ANO4: variants seen among roughly 807,000 people sequenced by gnomAD.
The protein encoded by ANO4 is anoctamin 4.
In ANO4, 69 loss-of-function variants were observed where a neutral mutation model predicts 141.9. That is an observed-to-expected ratio of 0.49 (90% CI 0.40 to 0.59). ANO4 has a LOEUF of 0.59. Ranked by LOEUF, ANO4 falls within the 20% of genes least tolerant of loss-of-function variation. The pLI is 0.00. For synonymous variants in ANO4, 350 were observed against 394.3 expected (o/e 0.89, Z 1.33); for missense variants, 894 against 1,162.2 (o/e 0.77, Z 3.36).
At chr12:101,025,328 G>C (rs2046689217) in intron 9 of ANO4, among the ~76,000 whole-genome samples, 1 of 152,210 alleles carries the variant, frequency 6.6e-6, no homozygotes, top group African/African-American at 2.4e-5. Flanking sequence ...ACAGCACCAT[G>C]AAAAGTGAGA....
At chr12:101,114,188 G>A (rs952431598) in intron 24 of ANO4, among the ~76,000 whole-genome samples, 19 of 152,226 alleles carry the variant, frequency 1.2e-4, no homozygotes, top group African/African-American at 4.3e-4. Flanking sequence ...TCAGTGAGTT[G>A]ACACTTGCAT....
intron 1 of ANO4, among the ~76,000 whole-genome samples, chr12:100,878,105 A>G (rs990286200): frequency 2.0e-5 from 3 of 152,150 alleles, no homozygotes; most frequent in African/African-American, 7.2e-5. Context: ...TCACAAAGCA[A>G]TATTGTGCAT....
intron 9 of ANO4, among the ~76,000 whole-genome samples, chr12:101,029,534 C>T (rs990309336): frequency 6.6e-6 from 1 of 152,096 alleles, no homozygotes; most frequent in Non-Finnish European, 1.5e-5. Context: ...CAAACCTCAT[C>T]TCTGACAAAA....
At chr12:101,046,691 A>G (rs1038146263) in intron 13 of ANO4, among the ~76,000 whole-genome samples, 1 of 152,264 alleles carries the variant, frequency 6.6e-6, no homozygotes, top group African/African-American at 2.4e-5. Context: ...GAGCCCCTAT[A>G]ACCTTACCCC....
At chr12:101,033,843 C>T (rs1053463400) in intron 9 of ANO4, among the ~76,000 whole-genome samples, 6 of 152,142 alleles carry the variant, frequency 3.9e-5, no homozygotes, top group Admixed American at 3.3e-4. Context: ...TAAACAGAGA[C>T]TTCTCAAAAG....
At chr12:100,772,907 T>C (rs1308654166) in intron 3 of ANO4, among the ~76,000 whole-genome samples, 1 of 152,248 alleles carries the variant, frequency 6.6e-6, no homozygotes, top group African/African-American at 2.4e-5. Flanking sequence ...AGAACGTGAA[T>C]GTTGCCTTTG....
intron 3 of ANO4, among the ~76,000 whole-genome samples, chr12:100,783,168 G>A (rs894234271): frequency 6.6e-6 from 1 of 152,126 alleles, no homozygotes; most frequent in Non-Finnish European, 1.5e-5. Context: ...TATGACAAAG[G>A]CGATCTGATT....
chr12:100,875,923 T>C (rs2039280500), intron 1 of ANO4, among the ~76,000 whole-genome samples: 1 of 152,086 alleles, frequency 6.6e-6, no homozygotes, highest in African/African-American at 2.4e-5. Context: ...CTCTTAGACA[T>C]CCTAGTGGAG....
intron 3 of ANO4, among the ~76,000 whole-genome samples, chr12:100,759,205 A>G (rs917597617): frequency 2.6e-5 from 4 of 152,156 alleles, no homozygotes; most frequent in Admixed American, 1.3e-4. Context: ...CAAATCTTAC[A>G]TGCTTTCTGC....
chr12:101,114,902 T>C (rs2050793895), intron 24 of ANO4, among the ~76,000 whole-genome samples: 1 of 152,180 alleles, frequency 6.6e-6, no homozygotes, highest in Non-Finnish European at 1.5e-5. Flanking sequence ...TGACCATTTG[T>C]TTTCACCCAC....
chr12:101,053,866 G>GCTT (rs1440879300), intron 14 of ANO4, among the ~76,000 whole-genome samples: 4 of 152,160 alleles, frequency 2.6e-5, no homozygotes, highest in African/African-American at 4.8e-5. Context: ...ACAGAACATG[G>GCTT]CTTCACGCTG....
At chr12:101,083,065 G>T (rs979682850) in intron 15 of ANO4, among the ~76,000 whole-genome samples, 1 of 152,080 alleles carries the variant, frequency 6.6e-6, no homozygotes, top group Non-Finnish European at 1.5e-5. Context: ...GTTTTGAAAG[G>T]TGCTTACCTT....
chr12:100,814,424 A>G (rs2035614273), intron 1 of ANO4, among the ~76,000 whole-genome samples: 1 of 152,148 alleles, frequency 6.6e-6, no homozygotes, highest in Non-Finnish European at 1.5e-5. Context: ...AGTTCATATG[A>G]CAACATGCGT....
rs2047727673 is a variant in ANO4 at position 101,048,509 on chromosome 12, A to G, written c.1312+108A>G. On this transcript the variant is annotated intron_variant, in intron 14 of 27. Coordinates refer to ENST00000392977, the MANE Select transcript of ANO4 (RefSeq NM_001286615.2). ...AAAGAAAGAAGCTTGAGTAAATGGA[A>G]TTAGCTTTCCTATTAGTAGAAAGTT... 16 of 984,558 alleles carry G rather than the reference A, an allele frequency of 1.6e-5. No individual in the cohort carries two copies. The South Asian group carries it at 2.1e-4, about 13-fold the overall frequency. The allele number at this position is 984,558 out of a possible 1,614,324, so 61.0% of individuals were successfully genotyped here.
At chr12:100,762,250 C>T (rs2032893125) in intron 3 of ANO4, among the ~76,000 whole-genome samples, 1 of 152,148 alleles carries the variant, frequency 6.6e-6, no homozygotes, top group African/African-American at 2.4e-5. Flanking sequence ...GGTGCAGATG[C>T]TCAGCATATG....
intron 14 of ANO4, chr12:101,067,106 A>G: frequency 2.6e-6 from 1 of 377,562 alleles, no homozygotes; most frequent in Non-Finnish European, 4.9e-6. Context: ...TTTAGTTTAA[A>G]GAGACTTATA....
intron 1 of ANO4, among the ~76,000 whole-genome samples, chr12:100,882,166 C>T (rs1026119031): frequency 9.2e-5 from 14 of 152,168 alleles, no homozygotes; most frequent in Admixed American, 1.3e-4. Context: ...ATGGAATCTT[C>T]AAACCAACCC....
chr12:101,116,575 A>G (rs1244349752), intron 24 of ANO4, 104 bp from the exon 25 acceptor site: 3 of 1,519,016 alleles, frequency 2.0e-6, no homozygotes, highest in Non-Finnish European at 2.7e-6. Flanking sequence ...GGCCAGTTAA[A>G]GGCATTTACA....
chr12:101,021,561 G>A (rs934101289), intron 9 of ANO4, among the ~76,000 whole-genome samples: 1 of 152,176 alleles, frequency 6.6e-6, no homozygotes, highest in African/African-American at 2.4e-5. Context: ...CTGGTGCATA[G>A]CCCAGATGAC....
Sources: allele counts gnomAD v4.1 joint callset (sites outside exome capture counted in the v4.1 genomes callset), GRCh38; gene constraint gnomAD v4.1.1; transcripts MANE v1.5; gene names NCBI Gene and HGNC (gene_info 2026-07-23, HGNC 2026-07-21).